The following RBFOX1 variants were observed in gnomAD, a reference collection of about 807,000 sequenced individuals.
The protein encoded by RBFOX1 is RNA binding protein fox-1 homolog 1.
RBFOX1 carries 8 observed loss-of-function variants against 57.7 expected under a neutral mutation model. That is an observed-to-expected ratio of 0.14 (90% CI 0.08 to 0.25). RBFOX1 has a LOEUF of 0.25. RBFOX1 is among the 10% of genes least tolerant of loss of function. The pLI is 1.00. For synonymous variants in RBFOX1, 326 were observed against 222.4 expected, an observed-to-expected ratio of 1.47 and a Z score of -4.15; for missense variants, 611 against 548.5, an observed-to-expected ratio of 1.11 and a Z score of -1.14.
intron 3 of RBFOX1, among the ~76,000 whole-genome samples, chr16:6,895,440 GTGT>G (rs2066566417): frequency 1.1e-5 from 1 of 87,516 alleles, no homozygotes; most frequent in African/African-American, 4.9e-5. Context: ...GTGTGTGTGT[GTGT>G]GTGTGTATAT....
At chr16:5,941,645 G>C (rs761839583) in intron 4 of RBFOX1, among the ~76,000 whole-genome samples, 5 of 151,996 alleles carry the variant, frequency 3.3e-5, no homozygotes, top group African/African-American at 7.3e-5. Flanking sequence ...CAAATAATTG[G>C]AGCACATGGA....
chr16:5,750,481 C>T (rs1191372089), intron 3 of RBFOX1, among the ~76,000 whole-genome samples: 1 of 152,244 alleles, frequency 6.6e-6, no homozygotes, highest in African/African-American at 2.4e-5. Context: ...TCTACAGAGG[C>T]AGGCAGGCCT....
intron 4 of RBFOX1, among the ~76,000 whole-genome samples, chr16:7,313,116 G>A (rs1453290831): frequency 6.6e-6 from 1 of 152,090 alleles, no homozygotes; most frequent in African/African-American, 2.4e-5. Context: ...CTCTTCATCC[G>A]GGCCACTCCT....
chr16:5,650,797 C>T (rs980830824), intron 3 of RBFOX1, among the ~76,000 whole-genome samples: 14 of 152,058 alleles, frequency 9.2e-5, no homozygotes, highest in South Asian at 2.1e-4. Context: ...TGTTAACAGA[C>T]GGACACAGTC....
chr16:6,815,902 A>G (rs940677115), intron 3 of RBFOX1, among the ~76,000 whole-genome samples: 1 of 152,216 alleles, frequency 6.6e-6, no homozygotes, highest in African/African-American at 2.4e-5. Context: ...ATTTACTTCC[A>G]CTGAAGGAAA....
At chr16:7,318,840 T>C (rs2096492256) in intron 4 of RBFOX1, among the ~76,000 whole-genome samples, 1 of 152,144 alleles carries the variant, frequency 6.6e-6, no homozygotes, top group Non-Finnish European at 1.5e-5. Context: ...GCCGAAGTTC[T>C]GGCAGAGCGC....
chr16:6,777,402 G>A (rs1406697035), intron 3 of RBFOX1, among the ~76,000 whole-genome samples: 2 of 152,084 alleles, frequency 1.3e-5, no homozygotes, highest in Non-Finnish European at 2.9e-5. Flanking sequence ...AGGCGCTCGG[G>A]GAATGGAACA....
At chr16:6,264,068 C>T (rs1325056942) in intron 1 of RBFOX1, among the ~76,000 whole-genome samples, 4 of 152,104 alleles carry the variant, frequency 2.6e-5, no homozygotes, top group African/African-American at 4.8e-5. Flanking sequence ...AATGGGGATT[C>T]GATAACCTTA....
At chr16:5,619,197 C>T (rs1225644275) in intron 3 of RBFOX1, among the ~76,000 whole-genome samples, 1 of 152,178 alleles carries the variant, frequency 6.6e-6, no homozygotes, top group African/African-American at 2.4e-5. Flanking sequence ...TCTTAAAAAA[C>T]AGTGTTGGCC....
At chr16:6,925,366 C>T (rs1426246268) in intron 3 of RBFOX1, among the ~76,000 whole-genome samples, 1 of 151,674 alleles carries the variant, frequency 6.6e-6, no homozygotes, top group African/African-American at 2.4e-5. Flanking sequence ...CTCAGGCGAT[C>T]TACCTGCCTT....
In RBFOX1 at chr16:7,175,722, G is replaced by A. The variant is rs551202217; in HGVS notation, c.27+123624G>A. On this transcript the variant is annotated intron_variant, in intron 4 of 15. Transcript: ENST00000550418. ...TCCCGAGGTTACCTCTTCCAGCCAC[G>A]CAGTAGTTGGTATTATTTCTTTCAT... Among the ~76,000 whole-genome samples, 122 of 152,294 alleles carry A rather than the reference G, an allele frequency of 8.0e-4. 1 individual carries two copies. The highest frequency in any genetic ancestry group is 2.8e-3 in the African/African-American group (116 of 41,550).
intron 4 of RBFOX1, among the ~76,000 whole-genome samples, chr16:5,965,469 C>G (rs891276528): frequency 6.6e-6 from 1 of 151,998 alleles, no homozygotes; most frequent in Admixed American, 6.6e-5. Context: ...GGTGGGGAAA[C>G]CAATCAAGCT....
At chr16:5,818,112 C>G (rs1411650493) in intron 3 of RBFOX1, among the ~76,000 whole-genome samples, 1 of 152,188 alleles carries the variant, frequency 6.6e-6, no homozygotes, top group Non-Finnish European at 1.5e-5. Context: ...ATTCTGATCA[C>G]TAGTAATGAT....
At chr16:6,459,944 A>G (rs1453852290) in intron 2 of RBFOX1, among the ~76,000 whole-genome samples, 2 of 125,672 alleles carry the variant, frequency 1.6e-5, no homozygotes, top group Non-Finnish European at 3.2e-5. Flanking sequence ...AGATAGTGCC[A>G]TTGCACTCCA....
chr16:5,482,019 C>T (rs569471318), intron 2 of RBFOX1, among the ~76,000 whole-genome samples: 3 of 152,206 alleles, frequency 2.0e-5, no homozygotes, highest in East Asian at 3.9e-4. Context: ...TGGAGGGATA[C>T]AGTTCAGCCC....
intron 4 of RBFOX1, among the ~76,000 whole-genome samples, chr16:5,941,853 A>G (rs893331754): frequency 6.6e-6 from 1 of 152,024 alleles, no homozygotes; most frequent in Admixed American, 6.6e-5. Flanking sequence ...AGTATGGATG[A>G]CGCAGTACAT....
intron 4 of RBFOX1, among the ~76,000 whole-genome samples, chr16:7,136,777 G>A (rs1290957743): frequency 6.6e-6 from 1 of 152,172 alleles, no homozygotes; most frequent in Non-Finnish European, 1.5e-5. Flanking sequence ...GTGGATAGTG[G>A]TTAGTATTAA....
At chr16:5,445,777 A>G (rs2068222073) in intron 1 of RBFOX1, among the ~76,000 whole-genome samples, 1 of 152,236 alleles carries the variant, frequency 6.6e-6, no homozygotes, top group Non-Finnish European at 1.5e-5. Flanking sequence ...AAATTTTTCT[A>G]GATGGCTTAA....
chr16:6,027,844 C>A (rs12102772), intron 1 of RBFOX1, among the ~76,000 whole-genome samples: 23,818 of 152,164 alleles, frequency 0.16, 1,940 homozygotes, highest in Middle Eastern at 0.19. Context: ...AAGAACCCAG[C>A]GTAGCTGCAA....
Sources: allele counts gnomAD v4.1 joint callset (sites outside exome capture counted in the v4.1 genomes callset), GRCh38; gene constraint gnomAD v4.1.1; transcripts MANE v1.5; gene names NCBI Gene and HGNC (gene_info 2026-07-23, HGNC 2026-07-21).